Variants in PTPN9 observed in about 807,000 individuals in gnomAD.
PTPN9 encodes tyrosine-protein phosphatase non-receptor type 9.
A neutral mutation model predicts 69.8 loss-of-function variants in PTPN9; 26 were observed. The observed-to-expected ratio is 0.37, with a 90% confidence interval of 0.27 to 0.52. The LOEUF (loss-of-function observed/expected upper bound fraction) is 0.52. Ranked by LOEUF, PTPN9 falls within the 20% of genes least tolerant of loss-of-function variation. The pLI is 0.91. For synonymous variants in PTPN9, 274 were observed against 272.5 expected (o/e 1.01, Z -0.05); for missense variants, 549 against 740.3 (o/e 0.74, Z 3.00).
At chr15:75,517,862 A>G (rs12909600) in intron 4 of PTPN9, among the ~76,000 whole-genome samples, 9,011 of 152,094 alleles carry the variant, frequency 0.059, 338 homozygotes, top group Middle Eastern at 0.088. Flanking sequence ...TGTTCCACTC[A>G]TTACGCCCAA....
chr15:75,542,278 G>A (rs1320757845), intron 1 of PTPN9, among the ~76,000 whole-genome samples: 3 of 151,964 alleles, frequency 2.0e-5, no homozygotes, highest in Non-Finnish European at 4.4e-5. Context: ...ATCCGTTAAG[G>A]GACTATGTGC....
At chr15:75,567,293 C>T (rs1482431898) in intron 1 of PTPN9, among the ~76,000 whole-genome samples, 1 of 152,132 alleles carries the variant, frequency 6.6e-6, no homozygotes, top group Admixed American at 6.6e-5. Flanking sequence ...GCTGGGATTA[C>T]AGGCGTGAGT....
At chr15:75,541,129 C>T (rs1362994111) in intron 1 of PTPN9, among the ~76,000 whole-genome samples, 9 of 151,892 alleles carry the variant, frequency 5.9e-5, no homozygotes, top group Admixed American at 5.9e-4. Flanking sequence ...TTGCTCTTGC[C>T]CAGGCTTGAG....
chr15:75,488,206 A>C (rs576473994), intron 8 of PTPN9, among the ~76,000 whole-genome samples: 1 of 152,230 alleles, frequency 6.6e-6, no homozygotes, highest in South Asian at 2.1e-4. Context: ...GCTTGAACCC[A>C]GGAGGTGGAG....
intron 1 of PTPN9, among the ~76,000 whole-genome samples, chr15:75,555,325 T>G (rs1385024190): frequency 6.6e-6 from 1 of 152,114 alleles, no homozygotes; most frequent in Non-Finnish European, 1.5e-5. Context: ...AGATGTTTCC[T>G]TGATCAACAA....
rs1026855013 is a variant in PTPN9 at position 75,521,371 on chromosome 15, G to A, written c.422+1750C>T. On this transcript the variant is annotated intron_variant, in intron 4 of 12. Coordinates refer to ENST00000618819, the MANE Select transcript of PTPN9 (RefSeq NM_002833.4). ...GGAGGCTGAGGCAGGAGAATGGCACGAACCCGGGAGTCGGAGCTTGCAGCG... is the reference window on the plus strand; with the variant it reads ...GGAGGCTGAGGCAGGAGAATGGCACAAACCCGGGAGTCGGAGCTTGCAGCG... Among the ~76,000 whole-genome samples, 6 of 151,502 alleles carry A rather than the reference G, an allele frequency of 4.0e-5. No individual in the cohort carries two copies. In the South Asian group the frequency reaches 8.3e-4, roughly 21 times the overall value.
In PTPN9 at chr15:75,479,921, A is replaced by G; in HGVS notation, c.1063-7T>C. On this transcript the variant is annotated splice_polypyrimidine_tract_variant and splice_region_variant and intron_variant, in intron 8 of 12. Coordinates refer to ENST00000618819, the MANE Select transcript of PTPN9 (RefSeq NM_002833.4). ...TGGCATTGATGTAATCTGTCTAATG[A>G]TAAAAAGGAGACATCACTATAGCTA... is the stretch of plus-strand genomic sequence containing the variant. 1 of 1,592,364 alleles carries G rather than the reference A, an allele frequency of 6.3e-7. No homozygotes were observed. The highest frequency in any genetic ancestry group is 1.3e-5 in the African/African-American group (1 of 74,340).
intron 1 of PTPN9, among the ~76,000 whole-genome samples, chr15:75,537,041 A>G (rs775952620): frequency 6.6e-6 from 1 of 152,098 alleles, no homozygotes; most frequent in Non-Finnish European, 1.5e-5. Flanking sequence ...AACTTTTACA[A>G]TTTTCTTTTA....
intron 3 of PTPN9, among the ~76,000 whole-genome samples, chr15:75,523,951 G>T (rs1178570605): frequency 6.6e-6 from 1 of 151,982 alleles, no homozygotes; most frequent in East Asian, 1.9e-4. Flanking sequence ...TAGGAACAAA[G>T]TCCAAACAGG....
chr15:75,543,146 A>T (rs1291886377), intron 1 of PTPN9, among the ~76,000 whole-genome samples: 2 of 151,794 alleles, frequency 1.3e-5, no homozygotes, highest in Non-Finnish European at 2.9e-5. Flanking sequence ...GATGTTTTCC[A>T]GTTTCATCCA....
intron 1 of PTPN9, among the ~76,000 whole-genome samples, chr15:75,536,239 C>G (rs1413079502): frequency 6.6e-6 from 1 of 152,148 alleles, no homozygotes; most frequent in African/African-American, 2.4e-5. Flanking sequence ...AGGGCCCATT[C>G]TGTGCTAATC....
chr15:75,476,055 C>T (rs1437981359), intron 9 of PTPN9, among the ~76,000 whole-genome samples: 1 of 152,128 alleles, frequency 6.6e-6, no homozygotes, highest in African/African-American at 2.4e-5. Flanking sequence ...GAGAGGATCA[C>T]CTGTGTGTGC....
At chr15:75,513,030 T>G in intron 5 of PTPN9, 1 of 399,538 alleles carries the variant, frequency 2.5e-6, no homozygotes, top group South Asian at 2.0e-5. Context: ...GGTTTGGGAT[T>G]GAGGGGTAAA....
intron 7 of PTPN9, among the ~76,000 whole-genome samples, chr15:75,503,565 C>G (rs1595954848): frequency 3.6e-5 from 4 of 111,632 alleles, no homozygotes; most frequent in African/African-American, 1.1e-4. Flanking sequence ...GCCCCCCGCC[C>G]GGCCAGCCGC....
intron 7 of PTPN9, among the ~76,000 whole-genome samples, chr15:75,500,053 C>A (rs2074764409): frequency 6.6e-6 from 1 of 152,064 alleles, no homozygotes; most frequent in Non-Finnish European, 1.5e-5. Flanking sequence ...GTGGCTCACG[C>A]CTGTAATCCT....
At chr15:75,545,884 G>T (rs1432563882) in intron 1 of PTPN9, among the ~76,000 whole-genome samples, 1 of 152,166 alleles carries the variant, frequency 6.6e-6, no homozygotes, top group Non-Finnish European at 1.5e-5. Flanking sequence ...GGGATGGGAG[G>T]ATGCAGTGAG....
At chr15:75,487,870 C>T (rs570717490) in intron 8 of PTPN9, 1 of 152,244 alleles carries the variant, frequency 6.6e-6, no homozygotes, top group East Asian at 1.9e-4. Context: ...AGTAAGTTTT[C>T]CAAAAATTAT....
intron 8 of PTPN9, 64 bp from the exon 9 acceptor site, chr15:75,479,978 T>G (rs2074619358): frequency 8.5e-7 from 1 of 1,178,362 alleles, no homozygotes; most frequent in Non-Finnish European, 1.2e-6. Context: ...CATAAAATGA[T>G]GTACTCAGTA....
intron 1 of PTPN9, among the ~76,000 whole-genome samples, chr15:75,574,339 T>C (rs1049673570): frequency 6.6e-5 from 10 of 151,092 alleles, no homozygotes; most frequent in Admixed American, 5.9e-4. Flanking sequence ...TTATGAATGC[T>C]TCTTTGCGGG....
Sources: gnomAD v4.1 joint callset for allele counts (sites outside exome capture counted in the v4.1 genomes callset) on GRCh38, gnomAD v4.1.1 for gene constraint, MANE v1.5 for transcripts, NCBI Gene and HGNC (gene_info 2026-07-23, HGNC 2026-07-21) for gene names.